Variants in PPFIA1 observed in about 807,000 individuals in gnomAD.
The protein encoded by PPFIA1 is PPFI scaffold protein A1.
Under a neutral mutation model 149.9 loss-of-function variants are expected in PPFIA1, and 25 were observed. The ratio of observed to expected loss-of-function variants is 0.17; its 90% CI spans 0.12 to 0.23. The LOEUF (loss-of-function observed/expected upper bound fraction) is 0.23. PPFIA1 is among the 10% of genes least tolerant of loss of function. PPFIA1 has a pLI of 1.00. For synonymous variants in PPFIA1, 549 were observed against 552.8 expected (o/e 0.99, Z 0.10); for missense variants, 1,362 against 1,506.5 (o/e 0.90, Z 1.59).
chr11:70,321,709 A>G (rs2053953740), intron 2 of PPFIA1, among the ~76,000 whole-genome samples: 1 of 152,244 alleles, frequency 6.6e-6, no homozygotes, highest in Admixed American at 6.5e-5. Context: ...ACATAGTCAA[A>G]GACAAAATTA....
chr11:70,308,444 G>A (rs2136465609), intron 2 of PPFIA1, among the ~76,000 whole-genome samples: 1 of 152,266 alleles, frequency 6.6e-6, no homozygotes, highest in Middle Eastern at 3.4e-3. Flanking sequence ...ACATGCATAG[G>A]TCTATTAAAT....
Position 70,339,236 on chromosome 11 carries a change from A to G in PPFIA1, c.1637A>G (p.Tyr546Cys). Residue 546 changes from tyrosine to cysteine, a missense_variant, in exon 14 of 28, where the codon TAC (tyrosine) becomes TGC (cysteine). Tyr to Cys is a radical substitution (Grantham distance 194). Coordinates refer to ENST00000253925, the MANE Select transcript of PPFIA1 (RefSeq NM_003626.5). ...FPMADGHTDS[Y>C]STSAVLRRPQ... is the part of the protein sequence containing the mutation. ...ATGGCAGACGGCCACACAGACTCCT[A>G]CAGCACCAGTGCAGTGCTGCGGCGC... 6.2e-7 allele frequency: 1 copy of G among 1,614,160 alleles called. No individual in the cohort carries two copies. Among genetic ancestry groups the G allele is most frequent in the Non-Finnish European group, 8.5e-7 (1 of 1,180,004 alleles).
In PPFIA1 at chr11:70,321,888, A is replaced by G. The variant is rs572235523; in HGVS notation, c.265-2514A>G. Among the ~76,000 whole-genome samples, 18 of 152,258 alleles carry G rather than the reference A, an allele frequency of 1.2e-4. No individual in the cohort carries two copies. In the East Asian group the frequency reaches 2.5e-3, roughly 21 times the overall value. ...GCTATTTATTAATTATTATTTTTTG[A>G]GATGGAGTTTCGCTCTTGTTGCCCA... On this transcript the variant is annotated intron_variant, in intron 2 of 27. Coordinates refer to ENST00000253925, the MANE Select transcript of PPFIA1 (RefSeq NM_003626.5).
chr11:70,332,129 A>G (rs1227100820), intron 9 of PPFIA1, 35 bp downstream of exon 9: 4 of 1,557,218 alleles, frequency 2.6e-6, no homozygotes, highest in African/African-American at 1.4e-5. Flanking sequence ...TTCGGCTGCC[A>G]GGCCTGTGAC....
At chr11:70,366,747 A>T (rs549441637) in intron 21 of PPFIA1, among the ~76,000 whole-genome samples, 1 of 152,376 alleles carries the variant, frequency 6.6e-6, no homozygotes, top group South Asian at 2.1e-4. Flanking sequence ...ATTTTAAATC[A>T]TAATTTTCCT....
chr11:70,280,963 C>G (rs898828179), intron 2 of PPFIA1, among the ~76,000 whole-genome samples: 3 of 152,080 alleles, frequency 2.0e-5, no homozygotes, highest in African/African-American at 7.2e-5. Flanking sequence ...AGATTGAGTT[C>G]TTAATTTCAG....
rs754099737 is a variant in PPFIA1, at chr11:70,310,385, C to CT, written c.265-13998dup. On this transcript the variant is annotated intron_variant, in intron 2 of 27. Transcript: ENST00000253925. ...AGTGCATTTTTATTTCATCCATGTACTTTTTTTTTTTTTTTTTTTGAGACG... is the reference window on the plus strand; with the variant it reads ...AGTGCATTTTTATTTCATCCATGTACTTTTTTTTTTTTTTTTTTTTGAGACG... Among the ~76,000 whole-genome samples, 283 of 132,156 alleles carry CT rather than the reference C, an allele frequency of 2.1e-3. 2 individuals carry two copies. The highest frequency in any genetic ancestry group is 6.1e-3 in the East Asian group (28 of 4,622). 86.7% of individuals were successfully genotyped at this position (132,156 alleles called of 152,430 possible). A position where few individuals can be genotyped will look rare whatever the true frequency, so the allele number is the denominator to read the frequency against.
intron 19 of PPFIA1, among the ~76,000 whole-genome samples, chr11:70,360,405 T>G (rs1160509903): frequency 1.3e-5 from 2 of 152,258 alleles, no homozygotes; most frequent in African/African-American, 4.8e-5. Context: ...AGGCTGAGCG[T>G]AAGTTGGGAA....
chr11:70,298,437 A>G (rs2052240434), intron 2 of PPFIA1, among the ~76,000 whole-genome samples: 1 of 152,238 alleles, frequency 6.6e-6, no homozygotes, highest in Admixed American at 6.5e-5. Flanking sequence ...TTAAAAGCAC[A>G]TTCCTGTAGA....
chr11:70,366,961 ATT>A (rs1424877940), intron 21 of PPFIA1, among the ~76,000 whole-genome samples: 1 of 152,010 alleles, frequency 6.6e-6, no homozygotes, highest in Admixed American at 6.6e-5. Context: ...AAATAACCTC[ATT>A]GTTTAACTTG....
intron 2 of PPFIA1, among the ~76,000 whole-genome samples, chr11:70,289,445 T>C (rs2051377428): frequency 6.6e-6 from 1 of 152,246 alleles, no homozygotes; most frequent in South Asian, 2.1e-4. Context: ...GTTTTCCTTA[T>C]CTATGATATT....
intron 2 of PPFIA1, among the ~76,000 whole-genome samples, chr11:70,284,776 T>G (rs1172774873): frequency 6.6e-6 from 1 of 152,052 alleles, no homozygotes; most frequent in Non-Finnish European, 1.5e-5. Context: ...GAGCTTAGCA[T>G]TTAGCTGAGT....
chr11:70,272,936 A>G (rs1337587596), intron 2 of PPFIA1, among the ~76,000 whole-genome samples: 1 of 152,230 alleles, frequency 6.6e-6, no homozygotes, highest in African/African-American at 2.4e-5. Context: ...TAGGGGATAG[A>G]AGACTCGAGA....
At chr11:70,346,052 C>G (rs1271675621) in intron 15 of PPFIA1, 2 of 406,162 alleles carry the variant, frequency 4.9e-6, no homozygotes, top group Non-Finnish European at 9.9e-6. Context: ...AAGGGTTTTT[C>G]TTTAGCAACT....
intron 15 of PPFIA1, among the ~76,000 whole-genome samples, chr11:70,346,454 A>C (rs1273322218): frequency 6.6e-6 from 1 of 152,116 alleles, no homozygotes; most frequent in Non-Finnish European, 1.5e-5. Flanking sequence ...AAAGAAAAAA[A>C]TAGGGCTGTA....
intron 14 of PPFIA1, among the ~76,000 whole-genome samples, chr11:70,340,067 T>G (rs1248720396): frequency 1.3e-5 from 2 of 151,578 alleles, no homozygotes; most frequent in African/African-American, 4.9e-5. Context: ...TCCCAGTGCT[T>G]TGGGAGGATC....
At chr11:70,303,625 T>A (rs573774434) in intron 2 of PPFIA1, among the ~76,000 whole-genome samples, 7 of 152,348 alleles carry the variant, frequency 4.6e-5, no homozygotes, top group African/African-American at 1.7e-4. Flanking sequence ...CTCAAGCTCC[T>A]GGACTCTCTG....
At chr11:70,321,760 G>A (rs1331386862) in intron 2 of PPFIA1, among the ~76,000 whole-genome samples, 1 of 152,226 alleles carries the variant, frequency 6.6e-6, no homozygotes, top group Non-Finnish European at 1.5e-5. Flanking sequence ...CCAGATGACA[G>A]GGACAAGATG....
intron 25 of PPFIA1, 81 bp downstream of exon 25, chr11:70,376,681 A>G (rs968665136): frequency 1.7e-6 from 2 of 1,195,750 alleles, no homozygotes; most frequent in Non-Finnish European, 2.5e-6. Context: ...AGCTGTTATT[A>G]TTATTATACT....
Sources: allele counts gnomAD v4.1 joint callset (sites outside exome capture counted in the v4.1 genomes callset), GRCh38; gene constraint gnomAD v4.1.1; transcripts MANE v1.5; gene names NCBI Gene and HGNC (gene_info 2026-07-23, HGNC 2026-07-21).